SIL1: variants seen among roughly 807,000 people sequenced by gnomAD.
SIL1 encodes nucleotide exchange factor SIL1.
SIL1 carries 40 observed loss-of-function variants against 49.1 expected under a neutral mutation model. The ratio of observed to expected loss-of-function variants is 0.81; its 90% CI spans 0.63 to 1.06. The LOEUF (loss-of-function observed/expected upper bound fraction) is 1.06. Among genes scored for constraint, SIL1 ranks in the 50% least tolerant of loss-of-function variants. SIL1 has a pLI of 0.00. For missense variants in SIL1, 500 were observed against 572.6 expected (o/e 0.87, Z 1.29); for synonymous variants, 253 against 250.8 (o/e 1.01, Z -0.08).
intron 1 of SIL1, among the ~76,000 whole-genome samples, chr5:139,168,957 CAAAA>C (rs1241500802): frequency 1.0e-5 from 1 of 98,996 alleles, no homozygotes; most frequent in Admixed American, 1.1e-4. Context: ...GACCCTGTCT[CAAAA>C]AAAAAAAAAA....
At chr5:139,020,991 G>A in intron 7 of SIL1, 180 bp downstream of exon 7, 1 of 755,436 alleles carries the variant, frequency 1.3e-6, no homozygotes, top group South Asian at 1.6e-5. Context: ...AGTCACAGAT[G>A]GTGACAACAT....
Position 139,086,999 on chromosome 5 carries a change from A to T in SIL1, c.244+34036T>A, listed in dbSNP as rs182351698. 1.2e-3 allele frequency among the ~76,000 whole-genome samples: 185 copies of T among 151,710 alleles called. 4 individuals carry two copies. Among genetic ancestry groups the T allele is most frequent in the Admixed American group, 0.011 (162 of 15,258 alleles). On this transcript the variant is annotated intron_variant, in intron 3 of 9. Transcript: ENST00000394817. ...AATAATTAATTATATTTCTTTTTTT[A>T]AAAAAATTATATAAATAGAAATGGG...
rs143873092 is a variant in SIL1 at position 139,001,690 on chromosome 5, A to T, written c.767+19481T>A. On this transcript the variant is annotated intron_variant, in intron 7 of 9. Transcript: ENST00000394817. ...GGGAGGCCAAGGCGGGTGGAGCAAG[A>T]GGTCAGGAGTTTGAGACCAGCCTGA... 2.8e-3 allele frequency among the ~76,000 whole-genome samples: 420 copies of T among 152,348 alleles called. 3 individuals carry two copies. The highest frequency in any genetic ancestry group is 9.4e-3 in the African/African-American group (392 of 41,586).
intron 7 of SIL1, among the ~76,000 whole-genome samples, chr5:138,978,725 AG>A (rs1767445567): frequency 6.6e-6 from 1 of 152,166 alleles, no homozygotes; most frequent in South Asian, 2.1e-4. Flanking sequence ...TTGAGTATAC[AG>A]TGTTCTCTCA....
At chr5:139,018,168 T>G (rs1264721639) in intron 7 of SIL1, among the ~76,000 whole-genome samples, 1 of 152,234 alleles carries the variant, frequency 6.6e-6, no homozygotes, top group Non-Finnish European at 1.5e-5. Context: ...GTACTCTCTC[T>G]TCTCGATCTT....
intron 7 of SIL1, among the ~76,000 whole-genome samples, chr5:138,998,496 G>A (rs1767921241): frequency 6.6e-6 from 1 of 152,080 alleles, no homozygotes; most frequent in Non-Finnish European, 1.5e-5. Context: ...AAGAAAAGAG[G>A]TTTTATTTTG....
intron 1 of SIL1, among the ~76,000 whole-genome samples, chr5:139,143,344 C>CACATATATATATATATATAT (rs1451727500): frequency 4.1e-5 from 4 of 97,506 alleles, no homozygotes; most frequent in African/African-American, 1.6e-4. Flanking sequence ...CACACACACA[C>CACATATATATATATATATAT]ATATATATAT....
intron 1 of SIL1, among the ~76,000 whole-genome samples, chr5:139,146,605 A>C (rs1751201462): frequency 6.6e-6 from 1 of 152,154 alleles, no homozygotes; most frequent in Non-Finnish European, 1.5e-5. Context: ...CTTAAGAAAG[A>C]AAAAAATATC....
chr5:138,968,420 A>G (rs146165564), intron 7 of SIL1, among the ~76,000 whole-genome samples: 141 of 152,242 alleles, frequency 9.3e-4, no homozygotes, highest in Middle Eastern at 3.4e-3. Context: ...ACTCATCTCC[A>G]TCGACAGAGG....
chr5:139,110,169 GAAA>G (rs60336598), intron 3 of SIL1, among the ~76,000 whole-genome samples: 1 of 119,724 alleles, frequency 8.4e-6, no homozygotes. Flanking sequence ...ACTCTGTCTC[GAAA>G]AAAAAAAAAA....
intron 3 of SIL1, among the ~76,000 whole-genome samples, chr5:139,085,671 G>A (rs900010984): frequency 1.3e-5 from 2 of 152,160 alleles, no homozygotes; most frequent in African/African-American, 2.4e-5. Context: ...AAGTTTGGAG[G>A]GAAATTATCA....
At chr5:139,136,010 T>C (rs1750968446) in intron 1 of SIL1, among the ~76,000 whole-genome samples, 1 of 152,040 alleles carries the variant, frequency 6.6e-6, no homozygotes, top group Non-Finnish European at 1.5e-5. Flanking sequence ...GAGGTTGCAG[T>C]GAGCCGAGAT....
chr5:139,131,403 A>G (rs1478792508), intron 1 of SIL1, among the ~76,000 whole-genome samples: 3 of 151,370 alleles, frequency 2.0e-5, no homozygotes, highest in African/African-American at 7.3e-5. Flanking sequence ...AGAAGTCATT[A>G]CCCCTCTGCC....
intron 3 of SIL1, among the ~76,000 whole-genome samples, chr5:139,076,791 C>T (rs184625783): frequency 9.0e-4 from 137 of 152,292 alleles, no homozygotes; most frequent in Middle Eastern, 3.4e-3. Flanking sequence ...TCAAAGACCG[C>T]AGTGACCTAA....
chr5:139,170,834 C>T (rs762781480), intron 1 of SIL1, among the ~76,000 whole-genome samples: 1,508 of 147,950 alleles, frequency 0.01, 11 homozygotes, highest in Non-Finnish European at 0.018. Flanking sequence ...GGGGGGTCAG[C>T]CCCCCGCCCG....
intron 3 of SIL1, among the ~76,000 whole-genome samples, chr5:139,069,309 G>T (rs948151353): frequency 6.6e-6 from 1 of 151,862 alleles, no homozygotes; most frequent in African/African-American, 2.4e-5. Flanking sequence ...TAAATAAAAA[G>T]AAATGAGGTG....
chr5:139,135,863 G>A (rs1325491460), intron 1 of SIL1, among the ~76,000 whole-genome samples: 3 of 152,002 alleles, frequency 2.0e-5, no homozygotes, highest in East Asian at 3.9e-4. Context: ...TCAGGAGCTC[G>A]AGACCAGCCT....
intron 6 of SIL1, among the ~76,000 whole-genome samples, chr5:139,025,172 CT>C (rs1768617022): frequency 1.3e-5 from 2 of 152,146 alleles, no homozygotes; most frequent in South Asian, 4.1e-4. Flanking sequence ...TTAGTAGACA[CT>C]TGATTTATTT....
intron 6 of SIL1, among the ~76,000 whole-genome samples, chr5:139,024,323 G>C (rs954192243): frequency 3.3e-5 from 5 of 152,208 alleles, no homozygotes; most frequent in Admixed American, 2.6e-4. Flanking sequence ...TGGAGAGTAA[G>C]ACTGGAAAGG....
Sources: gnomAD v4.1 joint callset for allele counts (sites outside exome capture counted in the v4.1 genomes callset) on GRCh38, gnomAD v4.1.1 for gene constraint, MANE v1.5 for transcripts, NCBI Gene and HGNC (gene_info 2026-07-23, HGNC 2026-07-21) for gene names.